Variants in TMEM64 observed in about 807,000 individuals in gnomAD.
TMEM64 encodes the protein transmembrane protein 64.
A neutral mutation model predicts 24.5 loss-of-function variants in TMEM64; 19 were observed. The observed-to-expected ratio is 0.78, with a 90% confidence interval of 0.54 to 1.14. The LOEUF (loss-of-function observed/expected upper bound fraction) is 1.14, where lower values mean the gene tolerates loss of function less well. Ranked by LOEUF, TMEM64 falls within the 50% of genes most tolerant of loss-of-function variation. The probability of loss-of-function intolerance (pLI) is 0.00; values close to 1 mark genes in which losing one functional copy is unlikely to be tolerated. For missense variants in TMEM64, 487 were observed against 493.0 expected (o/e 0.99, Z 0.12); for synonymous variants, 262 against 224.7 (o/e 1.17, Z -1.49).
chr8:90,634,121 C>T (rs1224865251), intron 1 of TMEM64, among the ~76,000 whole-genome samples: 1 of 152,084 alleles, frequency 6.6e-6, no homozygotes, highest in Non-Finnish European at 1.5e-5. Context: ...TTAGCATTCA[C>T]CACTTATTCC....
At chr8:90,633,391 A>T (rs895889927) in intron 1 of TMEM64, among the ~76,000 whole-genome samples, 4 of 152,208 alleles carry the variant, frequency 2.6e-5, no homozygotes, top group Non-Finnish European at 5.9e-5. Context: ...CAAAACCTTG[A>T]TTGCAGCATT....
intron 1 of TMEM64, among the ~76,000 whole-genome samples, chr8:90,636,495 C>G (rs1282911203): frequency 6.6e-6 from 1 of 152,202 alleles, no homozygotes; most frequent in Non-Finnish European, 1.5e-5. Flanking sequence ...ACCTCATGAT[C>G]TGCCTGCGTC....
In TMEM64 at chr8:90,645,280, GCGATGAAGGTGC is replaced by G. The variant is rs1809672282; in HGVS notation, c.614_625del (p.Gly205_Ile208del). The G allele has an allele frequency of 6.2e-7, 1 of 1,605,830 alleles. No individual in the cohort carries two copies. Among genetic ancestry groups the G allele is most frequent in the Admixed American group, 1.7e-5 (1 of 58,452 alleles). The stretch of plus-strand genomic sequence containing the variant: ...GAGGAGCCGCTTGCAGACCACATGG[GCGATGAAGGTGC>G]CGATGAGGACGCCCACCATCATCAG... On this transcript the variant is annotated inframe_deletion, in exon 1 of 3. Coordinates refer to ENST00000458549, the MANE Select transcript of TMEM64 (RefSeq NM_001008495.4). This position sits in a 1 kb window ranked among gnomAD's most constrained non-coding sequence, Gnocchi z 4.2.
chr8:90,630,141 G>A (rs13278103), intron 2 of TMEM64, among the ~76,000 whole-genome samples: 4,167 of 152,128 alleles, frequency 0.027, 98 homozygotes, highest in Non-Finnish European at 0.044. Context: ...TTGGTTCCTG[G>A]AGCCCCCCAG....
chr8:90,638,663 T>C (rs1457388747), intron 1 of TMEM64, among the ~76,000 whole-genome samples: 1 of 152,080 alleles, frequency 6.6e-6, no homozygotes, highest in East Asian at 1.9e-4. Flanking sequence ...TATATGTTTA[T>C]TGGAGGTTGG....
chr8:90,623,410 A>C lies in TMEM64; in HGVS notation c.*2261T>G. ...GATTTATTGTGAGTGCAACTTAAAA[A>C]CCCAGCAACCAAATTTACCCATCAA... On this transcript the variant is annotated 3_prime_UTR_variant, in exon 3 of 3. Transcript: ENST00000458549. 6.6e-6 allele frequency: 1 copy of C among 152,466 alleles called. No homozygotes were observed. The highest frequency in any genetic ancestry group is 1.9e-4 in the East Asian group (1 of 5,192). The allele number at this position is 152,466 out of a possible 1,614,324, so 9.4% of individuals were successfully genotyped here. A position where few individuals can be genotyped will look rare whatever the true frequency, so the allele number is the denominator to read the frequency against.
intron 1 of TMEM64, among the ~76,000 whole-genome samples, chr8:90,634,474 G>A (rs1809485557): frequency 6.6e-6 from 1 of 151,894 alleles, no homozygotes; most frequent in African/African-American, 2.4e-5. Flanking sequence ...GGCCATAACT[G>A]TTCTTGGCCA....
intron 1 of TMEM64, among the ~76,000 whole-genome samples, chr8:90,636,238 C>T (rs547665513): frequency 6.6e-6 from 1 of 152,264 alleles, no homozygotes; most frequent in East Asian, 1.9e-4. Context: ...CAGCTTCCTC[C>T]AAACTATTTT....
chr8:90,639,313 C>T (rs4556055), intron 1 of TMEM64, among the ~76,000 whole-genome samples: 73,847 of 151,784 alleles, frequency 0.49, 20,689 homozygotes, highest in East Asian at 0.86. Context: ...TTAATGGTTC[C>T]CAAATATCTT....
At chr8:90,641,972 A>T (rs1809610972) in intron 1 of TMEM64, among the ~76,000 whole-genome samples, 1 of 152,210 alleles carries the variant, frequency 6.6e-6, no homozygotes. Context: ...CTTCAAGATG[A>T]CACTGTAAAT....
intron 1 of TMEM64, among the ~76,000 whole-genome samples, chr8:90,642,883 T>C (rs1809625337): frequency 6.6e-6 from 1 of 152,222 alleles, no homozygotes; most frequent in South Asian, 2.1e-4. Context: ...TTCTTCTCAG[T>C]GAAATGGTGA....
At chr8:90,636,512 C>T (rs1010567775) in intron 1 of TMEM64, among the ~76,000 whole-genome samples, 23 of 152,188 alleles carry the variant, frequency 1.5e-4, no homozygotes, top group Admixed American at 1.3e-4. Flanking sequence ...CGTCGGCCTC[C>T]CAAACTGCTG....
rs1260944345 is a variant in TMEM64 at position 90,624,391 on chromosome 8, C to T, written c.*1280G>A. Reference sequence around the variant, plus strand: ...AAATTTGCATTAATATCTATAACCTCATTTGTAAAAAAAAATCATTAAGTT... The same window carrying T: ...AAATTTGCATTAATATCTATAACCTTATTTGTAAAAAAAAATCATTAAGTT... On this transcript the variant is annotated 3_prime_UTR_variant, in exon 3 of 3. Coordinates refer to ENST00000458549, the MANE Select transcript of TMEM64 (RefSeq NM_001008495.4). 1 of 151,844 alleles carries T rather than the reference C, an allele frequency of 6.6e-6. No individual in the cohort carries two copies. The highest frequency in any genetic ancestry group is 1.5e-5 in the Non-Finnish European group (1 of 67,884). The allele number at this position is 151,844 out of a possible 1,614,324, so 9.4% of individuals were successfully genotyped here. A position where few individuals can be genotyped will look rare whatever the true frequency, so the allele number is the denominator to read the frequency against.
intron 1 of TMEM64, among the ~76,000 whole-genome samples, chr8:90,639,771 T>C (rs1188713669): frequency 6.6e-6 from 1 of 152,208 alleles, no homozygotes; most frequent in Admixed American, 6.5e-5. Flanking sequence ...ATGTTTTTCT[T>C]TGTACTTGCT....
intron 1 of TMEM64, among the ~76,000 whole-genome samples, chr8:90,636,944 G>A (rs1212558011): frequency 6.6e-6 from 1 of 152,166 alleles, no homozygotes; most frequent in Non-Finnish European, 1.5e-5. Context: ...GTCATCTCAT[G>A]TTTTAAAAAC....
Position 90,645,640 on chromosome 8 carries a change from G to T in TMEM64, c.266C>A (p.Ala89Glu), listed in dbSNP as rs1362109159. The change falls in exon 1 of 3, where the codon GCG becomes GAG. Residue 89 changes from alanine (A) to glutamate (E), a missense_variant. Transcript: ENST00000458549. This position sits in a 1 kb window ranked among gnomAD's most constrained non-coding sequence, Gnocchi z 4.2. ...SELPEPGGAL[A>E]GGPGSGGGGV... ...GCCGCCGCCACTCCCGGGGCCGCCC[G>T]CCAAGGCCCCGCCCGGCTCCGGCAG... is the stretch of plus-strand genomic sequence containing the variant. 2.0e-5 allele frequency: 31 copies of T among 1,532,666 alleles called. No individual in the cohort carries two copies. Among genetic ancestry groups the T allele is most frequent in the Non-Finnish European group, 2.6e-5 (30 of 1,144,662 alleles). 94.9% of individuals were successfully genotyped at this position (1,532,666 alleles called of 1,614,324 possible).
intron 2 of TMEM64, 60 bp from the exon 3 acceptor site, chr8:90,625,922 T>C (rs1276570037): frequency 5.4e-6 from 7 of 1,308,278 alleles, no homozygotes; most frequent in African/African-American, 4.5e-5. Context: ...AAGAAATAAA[T>C]CCAATAAATA....
chr8:90,632,749 G>GA (rs1211528237), intron 1 of TMEM64, among the ~76,000 whole-genome samples: 6 of 152,170 alleles, frequency 3.9e-5, no homozygotes, highest in Admixed American at 1.3e-4. Flanking sequence ...TCTGTAAAAT[G>GA]AAAATCATCA....
chr8:90,642,030 G>GA (rs1199568241), intron 1 of TMEM64, among the ~76,000 whole-genome samples: 1 of 152,014 alleles, frequency 6.6e-6, no homozygotes, highest in East Asian at 1.9e-4. Flanking sequence ...GGGAGAAGGG[G>GA]AAAAAATGGT....
Sources: allele counts gnomAD v4.1 joint callset (sites outside exome capture counted in the v4.1 genomes callset), GRCh38; gene constraint gnomAD v4.1.1; non-coding constraint Gnocchi (gnomAD v3.1); transcripts MANE v1.5; gene names NCBI Gene and HGNC (gene_info 2026-07-23, HGNC 2026-07-21).